Variants in REEP3 observed in about 807,000 individuals in gnomAD.
REEP3 encodes receptor accessory protein 3, also known as receptor expression-enhancing protein 3.
Under a neutral mutation model 41.3 loss-of-function variants are expected in REEP3, and 20 were observed. The observed-to-expected ratio is 0.48, with a 90% CI of 0.34 to 0.70. The LOEUF is 0.70. Ranked by LOEUF, REEP3 falls within the 30% of genes least tolerant of loss-of-function variation. The pLI is 0.01. For missense variants in REEP3, 271 were observed against 308.8 expected (o/e 0.88, Z 0.92); for synonymous variants, 104 against 101.8 (o/e 1.02, Z -0.13).
chr10:63,602,285 A>G (rs1020097399), intron 5 of REEP3, among the ~76,000 whole-genome samples: 11 of 152,212 alleles, frequency 7.2e-5, no homozygotes, highest in Non-Finnish European at 1.3e-4. Context: ...GAAGAGAACT[A>G]AAATCCTCAT....
At chr10:63,579,545 A>T (rs537346296) in intron 2 of REEP3, among the ~76,000 whole-genome samples, 2 of 152,270 alleles carry the variant, frequency 1.3e-5, no homozygotes. Context: ...CAGTGTTCAC[A>T]CTAGGATGTA....
intron 2 of REEP3, among the ~76,000 whole-genome samples, chr10:63,588,130 A>C (rs1956024727): frequency 6.6e-6 from 1 of 152,186 alleles, no homozygotes; most frequent in Admixed American, 6.5e-5. Flanking sequence ...TTAACAGCTA[A>C]TATGCCGCCT....
chr10:63,560,053 T>C (rs1007853734), intron 1 of REEP3, among the ~76,000 whole-genome samples: 3 of 152,114 alleles, frequency 2.0e-5, no homozygotes, highest in African/African-American at 7.2e-5. Flanking sequence ...TAAAATATTG[T>C]TTTTAAAATG....
chr10:63,552,143 G>A (rs576780966), intron 1 of REEP3, among the ~76,000 whole-genome samples: 31 of 152,134 alleles, frequency 2.0e-4, no homozygotes, highest in South Asian at 2.1e-4. Flanking sequence ...AGTGGCTCAC[G>A]CCTGTAATCC....
chr10:63,580,454 CTATT>C (rs1341369382), intron 2 of REEP3, among the ~76,000 whole-genome samples: 2 of 151,872 alleles, frequency 1.3e-5, no homozygotes, highest in Non-Finnish European at 2.9e-5. Context: ...CTTTAAAAGA[CTATT>C]TTGAAAAGGA....
intron 1 of REEP3, among the ~76,000 whole-genome samples, chr10:63,556,622 TTTTG>T (rs762716747): frequency 2.4e-5 from 2 of 82,138 alleles, no homozygotes; most frequent in Non-Finnish European, 4.8e-5. Context: ...TTGTTTTTTT[TTTTG>T]TTGTTTTGTT....
At chr10:63,592,701 G>A (rs948920232) in intron 2 of REEP3, among the ~76,000 whole-genome samples, 2 of 151,452 alleles carry the variant, frequency 1.3e-5, no homozygotes, top group Non-Finnish European at 2.9e-5. Flanking sequence ...GACCAGTCTG[G>A]CCAACATGGT....
intron 2 of REEP3, among the ~76,000 whole-genome samples, chr10:63,592,362 C>T (rs1289800170): frequency 6.6e-6 from 1 of 152,182 alleles, no homozygotes; most frequent in African/African-American, 2.4e-5. Context: ...CTTAGAGTCT[C>T]CCCAAGAGTC....
chr10:63,589,783 A>ATTTTTT (rs1317265731), intron 2 of REEP3, among the ~76,000 whole-genome samples: 7 of 82,568 alleles, frequency 8.5e-5, no homozygotes, highest in Admixed American at 5.2e-4. Context: ...ACAGCAGAAC[A>ATTTTTT]TCTTTTTTTT....
intron 1 of REEP3, among the ~76,000 whole-genome samples, chr10:63,541,652 G>A (rs1955529330): frequency 6.6e-6 from 1 of 151,448 alleles, no homozygotes; most frequent in African/African-American, 2.4e-5. Flanking sequence ...TTTTTTGAAG[G>A]TTAATAAACT....
At chr10:63,560,731 C>T (rs1955732875) in intron 1 of REEP3, among the ~76,000 whole-genome samples, 2 of 152,084 alleles carry the variant, frequency 1.3e-5, no homozygotes, top group Non-Finnish European at 2.9e-5. Context: ...GCAAATATTC[C>T]CTTTATAAGC....
chr10:63,562,633 T>C (rs769998343), intron 1 of REEP3: 11 of 456,398 alleles, frequency 2.4e-5, no homozygotes, highest in African/African-American at 1.6e-4. Context: ...GTATTCTTCC[T>C]GTGACTTGTT....
At position 63,533,380 on chromosome 10, in the gene REEP3, G is replaced by A. The variant is rs151259056; in HGVS notation, c.32+11803G>A. Among the ~76,000 whole-genome samples, 510 of 152,304 alleles carry A rather than the reference G, an allele frequency of 3.3e-3. 2 individuals are homozygous for A. The highest frequency in any genetic ancestry group is 0.012 in the African/African-American group (492 of 41,570). On this transcript the variant is annotated intron_variant, in intron 1 of 7. Transcript: ENST00000373758. Reference sequence around the variant, plus strand: ...GCCTAATGGATACCGTTATTGTCATGATCAGTTCTTCACTGGTTTGTGGCT... The same window carrying A: ...GCCTAATGGATACCGTTATTGTCATAATCAGTTCTTCACTGGTTTGTGGCT...
At chr10:63,533,183 T>C (rs190441841) in intron 1 of REEP3, among the ~76,000 whole-genome samples, 6 of 152,342 alleles carry the variant, frequency 3.9e-5, no homozygotes, top group African/African-American at 1.2e-4. Flanking sequence ...ACTGCTTGTA[T>C]GCTTCCTGTG....
chr10:63,571,747 C>A (rs745824711), intron 2 of REEP3, among the ~76,000 whole-genome samples: 3 of 152,198 alleles, frequency 2.0e-5, no homozygotes, highest in Non-Finnish European at 4.4e-5. Flanking sequence ...CCAATAATAT[C>A]TCAGTTGTTC....
At chr10:63,614,219 G>T (rs1190986368) in intron 6 of REEP3, among the ~76,000 whole-genome samples, 2 of 151,808 alleles carry the variant, frequency 1.3e-5, no homozygotes, top group African/African-American at 2.4e-5. Context: ...TGCCAGATTG[G>T]CCAAAAAAAA....
rs1298598602 is a variant in REEP3 at position 63,623,049 on chromosome 10, C to T, written c.*2180C>T. Reference sequence around the variant, plus strand: ...GTCTGGTCCCAGTATTAAACCTATTCTTTAGTAAACTCATATTACTGTTCT... The same window carrying T: ...GTCTGGTCCCAGTATTAAACCTATTTTTTAGTAAACTCATATTACTGTTCT... On this transcript the variant is annotated 3_prime_UTR_variant, in exon 8 of 8. Transcript: ENST00000373758. 3 of 152,162 alleles carry T rather than the reference C, an allele frequency of 2.0e-5. No homozygotes were observed. The highest frequency in any genetic ancestry group is 4.4e-5 in the Non-Finnish European group (3 of 68,034). 9.4% of individuals were successfully genotyped at this position (152,162 alleles called of 1,614,324 possible).
At chr10:63,603,351 C>T (rs1170505967) in intron 5 of REEP3, among the ~76,000 whole-genome samples, 1 of 150,840 alleles carries the variant, frequency 6.6e-6, no homozygotes, top group African/African-American at 2.4e-5. Context: ...ACCCATTACC[C>T]TTCATTATTA....
chr10:63,548,190 A>G (rs912764135), intron 1 of REEP3, among the ~76,000 whole-genome samples: 1 of 152,156 alleles, frequency 6.6e-6, no homozygotes, highest in African/African-American at 2.4e-5. Flanking sequence ...TCCTGAGATG[A>G]CCCTTTACTG....
Sources: allele counts gnomAD v4.1 joint callset (sites outside exome capture counted in the v4.1 genomes callset), GRCh38; gene constraint gnomAD v4.1.1; transcripts MANE v1.5; gene names NCBI Gene and HGNC (gene_info 2026-07-23, HGNC 2026-07-21).